Variants in PCDH11X observed in about 807,000 individuals in gnomAD.
The protein encoded by PCDH11X is protocadherin 11 X-linked.
In PCDH11X, 18 loss-of-function variants were observed where a neutral mutation model predicts 53.3. The observed-to-expected ratio is 0.34, with a 90% CI of 0.23 to 0.50. The LOEUF is 0.50. Ranked by LOEUF, PCDH11X falls within the 20% of genes least tolerant of loss-of-function variation. The probability of loss-of-function intolerance (pLI) is 0.98; values close to 1 mark genes in which losing one functional copy is unlikely to be tolerated. For synonymous variants in PCDH11X, 279 were observed against 393.3 expected, an observed-to-expected ratio of 0.71 and a Z score of 3.44; for missense variants, 570 against 1,032.4, an observed-to-expected ratio of 0.55 and a Z score of 6.14.
chrX:92,445,192 CT>C (rs778466088), intron 9 of PCDH11X, among the ~76,000 whole-genome samples: 129 of 16,524 alleles, frequency 7.8e-3, no homozygotes, highest in African/African-American at 0.022. Context: ...TGGTCCAGGG[CT>C]TTTTTTTTTT....
chrX:92,203,693 T>C (rs1013040837), intron 7 of PCDH11X, among the ~76,000 whole-genome samples: 2 of 111,861 alleles, frequency 1.8e-5, no homozygotes. Flanking sequence ...TGGAAGTTTT[T>C]AAGGATAATT....
chrX:92,382,144 G>A (rs1444107608), intron 8 of PCDH11X, among the ~76,000 whole-genome samples: 1 of 111,706 alleles, frequency 9.0e-6, no homozygotes, highest in African/African-American at 3.2e-5. Flanking sequence ...TATAAAATGT[G>A]GGAACTTGGA....
intron 9 of PCDH11X, among the ~76,000 whole-genome samples, chrX:92,412,166 G>A (rs62596930): frequency 1.7e-4 from 18 of 104,052 alleles, no homozygotes; most frequent in East Asian, 1.5e-3. Context: ...AGGAGGAGGA[G>A]GAAAAGGGAG....
At chrX:92,461,784 G>C (rs889244898) in intron 9 of PCDH11X, among the ~76,000 whole-genome samples, 41 of 111,150 alleles carry the variant, frequency 3.7e-4, no homozygotes, top group South Asian at 1.1e-3. Flanking sequence ...CCCACAGAAG[G>C]GGGGGAAATA....
At chrX:92,484,693 G>T (rs1389746004) in intron 10 of PCDH11X, among the ~76,000 whole-genome samples, 1 of 110,451 alleles carries the variant, frequency 9.1e-6, no homozygotes, top group East Asian at 2.8e-4. Context: ...AGGACGCAAA[G>T]ACATAAGAAT....
chrX:91,903,527 T>A (rs1362788329), intron 6 of PCDH11X, among the ~76,000 whole-genome samples: 2 of 110,874 alleles, frequency 1.8e-5, no homozygotes, highest in Admixed American at 2.0e-4. Flanking sequence ...CTATACAGCA[T>A]GCTGGTTTTA....
intron 10 of PCDH11X, among the ~76,000 whole-genome samples, chrX:92,616,541 G>A (rs982449333): frequency 9.0e-6 from 1 of 111,568 alleles, no homozygotes; most frequent in Non-Finnish European, 1.9e-5. Flanking sequence ...GTAGAATTTT[G>A]TGGATCTATT....
At chrX:92,444,207 G>C (rs956023975) in intron 9 of PCDH11X, among the ~76,000 whole-genome samples, 13 of 106,837 alleles carry the variant, frequency 1.2e-4, no homozygotes, top group African/African-American at 4.1e-4. Flanking sequence ...TGATTTCTTT[G>C]AGCAGTGTTT....
chrX:92,214,110 A>G lies in PCDH11X; in HGVS notation c.3114+12655A>G, dbSNP rs183009764. Reference sequence around the variant, plus strand: ...ATCACTTGGCTTATCATGAGGACTCATAAGTAAAGCACATTGAGAGTGAAA... The same window carrying G: ...ATCACTTGGCTTATCATGAGGACTCGTAAGTAAAGCACATTGAGAGTGAAA... On this transcript the variant is annotated intron_variant, in intron 7 of 10. Coordinates refer to ENST00000682573, the MANE Select transcript of PCDH11X (RefSeq NM_032968.5). Among the ~76,000 whole-genome samples, 209 of 111,868 alleles carry G rather than the reference A, an allele frequency of 1.9e-3. 4 individuals carry two copies. In the Admixed American group the frequency reaches 0.019, roughly 10 times the overall value.
chrX:91,979,319 G>A (rs2062091675), intron 6 of PCDH11X, among the ~76,000 whole-genome samples: 1 of 110,520 alleles, frequency 9.0e-6, no homozygotes, highest in Admixed American at 9.8e-5. Flanking sequence ...AGAATATTAA[G>A]ACAACTTAAT....
intron 10 of PCDH11X, among the ~76,000 whole-genome samples, chrX:92,534,507 C>G (rs770663169): frequency 0.017 from 1,883 of 111,253 alleles, 47 homozygotes; most frequent in African/African-American, 0.058. Flanking sequence ...GAGAACTTCC[C>G]CAACCTAGCA....
rs1468136387 is a variant in PCDH11X at position 92,621,167 on chromosome X, C to T, written c.*2227C>T. 1 of 91,901 alleles carries T rather than the reference C, an allele frequency of 1.1e-5. No homozygotes were observed. The highest frequency in any genetic ancestry group is 2.1e-5 in the Non-Finnish European group (1 of 48,611). 7.6% of individuals were successfully genotyped at this position (91,901 alleles called of 1,213,427 possible). ...ACACACACACGTGCACACACACACA[C>T]ATTTAAATGATATAAAAAGAAGAGG... On this transcript the variant is annotated 3_prime_UTR_variant, in exon 11 of 11. Coordinates refer to ENST00000682573, the MANE Select transcript of PCDH11X (RefSeq NM_032968.5).
At chrX:92,204,239 C>A (rs372249696) in intron 7 of PCDH11X, among the ~76,000 whole-genome samples, 2 of 112,280 alleles carry the variant, frequency 1.8e-5, no homozygotes, top group South Asian at 3.7e-4. Context: ...ATGCAAATTT[C>A]TGCAGCAGGC....
chrX:92,113,264 G>T (rs1168409701), intron 6 of PCDH11X: 4 of 1,197,004 alleles, frequency 3.3e-6, no homozygotes, highest in Admixed American at 2.2e-5. Flanking sequence ...AGCAACATTG[G>T]GGGCATTTCC....
intron 5 of PCDH11X, among the ~76,000 whole-genome samples, chrX:91,871,418 A>G (rs1031407323): frequency 1.9e-5 from 2 of 104,693 alleles, no homozygotes; most frequent in African/African-American, 7.0e-5. Context: ...GCATTCCTCG[A>G]TCTAAAGAGT....
intron 8 of PCDH11X, among the ~76,000 whole-genome samples, chrX:92,356,858 A>G (rs1344792658): frequency 1.8e-5 from 2 of 108,943 alleles, no homozygotes; most frequent in Non-Finnish European, 3.8e-5. Flanking sequence ...AGCAATTGCT[A>G]TTTTCCAGAG....
chrX:92,398,878 T>C (rs1329246242), intron 9 of PCDH11X, among the ~76,000 whole-genome samples: 1 of 110,512 alleles, frequency 9.0e-6, no homozygotes, highest in Admixed American at 9.8e-5. Context: ...TGTCTGCATA[T>C]ATACATATAT....
intron 8 of PCDH11X, among the ~76,000 whole-genome samples, chrX:92,264,978 A>G (rs1269434185): frequency 9.4e-6 from 1 of 105,892 alleles, no homozygotes; most frequent in Non-Finnish European, 1.9e-5. Flanking sequence ...GAAGGTTATG[A>G]CGTTAAAAAT....
intron 10 of PCDH11X, among the ~76,000 whole-genome samples, chrX:92,491,749 G>A (rs1326965121): frequency 5.4e-5 from 6 of 110,490 alleles, no homozygotes; most frequent in South Asian, 7.5e-4. Flanking sequence ...CTCTCCTTAC[G>A]CCTGATAACC....
Sources: gnomAD v4.1 joint callset for allele counts (sites outside exome capture counted in the v4.1 genomes callset) on GRCh38, gnomAD v4.1.1 for gene constraint, MANE v1.5 for transcripts, NCBI Gene and HGNC (gene_info 2026-07-23, HGNC 2026-07-21) for gene names.